The following LYST variants were observed in gnomAD, a reference collection of about 807,000 sequenced individuals.
The protein encoded by LYST is lysosomal-trafficking regulator.
In LYST, 192 loss-of-function variants were observed where a neutral mutation model predicts 413.6. The ratio of observed to expected loss-of-function variants is 0.46; its 90% CI spans 0.41 to 0.52. The LOEUF is 0.52. LYST is among the 20% of genes least tolerant of loss of function. LYST has a pLI of 0.00. For missense variants in LYST, 3,815 were observed against 4,499.9 expected, an observed-to-expected ratio of 0.85 and a Z score of 4.35; for synonymous variants, 1,525 against 1,567.3, an observed-to-expected ratio of 0.97 and a Z score of 0.64.
rs1366336092 is a variant in LYST at position 235,720,689 on chromosome 1, G to C, written c.9532C>G (p.Leu3178Val). 6.2e-7 allele frequency: 1 copy of C among 1,613,706 alleles called. No individual in the cohort carries two copies. The highest frequency in any genetic ancestry group is 1.1e-5 in the South Asian group (1 of 91,076). ...FILADYVSET[L>V]DLNDLLIYRN... Reference sequence around the variant, plus strand: ...TATATCAACAGATCATTGAGGTCAAGTGTCTCACTAACGTAGTCAGCAAGT... The same window carrying C: ...TATATCAACAGATCATTGAGGTCAACTGTCTCACTAACGTAGTCAGCAAGT... Residue 3178 changes from leucine (L) to valine (V), a missense_variant, in exon 40 of 53, where the codon CTT (leucine) becomes GTT (valine). Coordinates refer to ENST00000389793, the MANE Select transcript of LYST (RefSeq NM_000081.4).
chr1:235,734,696 T>C (rs751165344), intron 31 of LYST, 37 bp from the exon 32 acceptor site: 1 of 1,395,840 alleles, frequency 7.2e-7, no homozygotes, highest in Non-Finnish European at 1.0e-6. Context: ...TCATTTAGAA[T>C]TTTAATTCTT....
rs756139684 is a variant in LYST, at chr1:235,753,190, T to A, written c.7314A>T (p.Leu2438=). ...IPILGLIETS[L]YDNILLHNAL... ...CATTATGCAAGAGTATGTTGTCATA[T>A]AGAGAGGTCTCTATTAGTCCCAGAA... Residue 2438 remains leucine (L), a synonymous_variant, in exon 26 of 53, where the codon CTA becomes CTT. Transcript: ENST00000389793. 3.1e-6 allele frequency: 5 copies of A among 1,610,020 alleles called. No homozygotes were observed. The highest frequency in any genetic ancestry group is 4.2e-6 in the Non-Finnish European group (5 of 1,176,514).
chr1:235,832,178 G>A (rs562041145), intron 2 of LYST, among the ~76,000 whole-genome samples: 1 of 152,270 alleles, frequency 6.6e-6, no homozygotes, highest in East Asian at 1.9e-4. Context: ...AACTCAACAG[G>A]TATAGTACCA....
intron 8 of LYST, among the ~76,000 whole-genome samples, chr1:235,802,193 CAA>C (rs35511208): frequency 1.6e-3 from 71 of 45,068 alleles, no homozygotes; most frequent in African/African-American, 2.0e-3. Context: ...GACTCCATTT[CAA>C]AAAAAAAAAA....
chr1:235,693,675 G>A (rs1023140288), intron 46 of LYST, among the ~76,000 whole-genome samples, 189 bp from the exon 47 acceptor site: 1 of 152,058 alleles, frequency 6.6e-6, no homozygotes, highest in Non-Finnish European at 1.5e-5. Flanking sequence ...GGGTTCTCAG[G>A]GTGGGATTAT....
intron 43 of LYST, among the ~76,000 whole-genome samples, chr1:235,710,740 T>G (rs1437282290): frequency 6.6e-6 from 1 of 152,056 alleles, no homozygotes; most frequent in African/African-American, 2.4e-5. Context: ...AAGAATACAG[T>G]GGAAGTGATG....
intron 44 of LYST, among the ~76,000 whole-genome samples, chr1:235,705,271 C>T (rs1307445385): frequency 6.6e-6 from 1 of 152,042 alleles, no homozygotes; most frequent in Non-Finnish European, 1.5e-5. Context: ...TTATTAAATT[C>T]TTAACGATGG....
At chr1:235,788,889 A>G in intron 12 of LYST, 44 bp from the exon 13 acceptor site, 2 of 1,572,694 alleles carry the variant, frequency 1.3e-6, no homozygotes, top group Non-Finnish European at 1.7e-6. Context: ...ATGGTTCGTA[A>G]CAACTGAGTA....
intron 19 of LYST, among the ~76,000 whole-genome samples, chr1:235,773,328 C>A (rs1668899781): frequency 6.7e-6 from 1 of 149,664 alleles, no homozygotes; most frequent in African/African-American, 2.5e-5. Context: ...AAAAAAAAAA[C>A]AAAAACAAAA....
rs1180041783 is a variant in LYST, at chr1:235,805,833, T to C, written c.3303A>G (p.Gln1101=). Residue 1101 remains glutamine (Q), a synonymous_variant, in exon 6 of 53, where the codon CAA becomes CAG. Transcript: ENST00000389793. ...FTSQESETSL[Q]SIRLLEALLA... ...GAAGGGCTTCCAAAAGTCGTATACT[T>C]TGAAGTGAGGTCTCACTTTCTTGAC... 5 of 1,613,564 alleles carry C rather than the reference T, an allele frequency of 3.1e-6. No individual in the cohort carries two copies. Among genetic ancestry groups the C allele is most frequent in the Non-Finnish European group, 4.2e-6 (5 of 1,179,780 alleles).
chr1:235,671,957 G>A (rs1184924713), intron 50 of LYST, among the ~76,000 whole-genome samples: 1 of 152,216 alleles, frequency 6.6e-6, no homozygotes, highest in Non-Finnish European at 1.5e-5. Context: ...TGTGATAGAT[G>A]TTAGGGTAGG....
chr1:235,699,204 T>C (rs1421718648), intron 45 of LYST, among the ~76,000 whole-genome samples: 1 of 152,150 alleles, frequency 6.6e-6, no homozygotes, highest in East Asian at 1.9e-4. Flanking sequence ...CAACCCATCA[T>C]CTAGGTTTTG....
chr1:235,770,009 G>T, intron 20 of LYST, 151 bp downstream of exon 20: 1 of 687,630 alleles, frequency 1.5e-6, no homozygotes, highest in Non-Finnish European at 2.5e-6. Flanking sequence ...AAAAACTCCT[G>T]TACTATTTTT....
chr1:235,810,874 T>C (rs568476104), intron 4 of LYST, among the ~76,000 whole-genome samples: 15 of 152,340 alleles, frequency 9.8e-5, no homozygotes, highest in African/African-American at 3.6e-4. Context: ...CTGGGTGAGG[T>C]GGCTTATGCC....
At position 235,800,406 on chromosome 1, in the gene LYST, C is replaced by CA. The variant is rs1404934205; in HGVS notation, c.3940-21dup. 3 of 1,390,302 alleles carry CA rather than the reference C, an allele frequency of 2.2e-6. No homozygotes were observed. Among genetic ancestry groups the CA allele is most frequent in the Non-Finnish European group, 3.1e-6 (3 of 976,652 alleles). 86.1% of individuals were successfully genotyped at this position (1,390,302 alleles called of 1,614,324 possible). ...AGTTCCCTGAAGATTAAAAAAAATA[C>CA]AAAATTAAATTACTTACCTCACAGA... On this transcript the variant is annotated intron_variant, in intron 9 of 52. Coordinates refer to ENST00000389793, the MANE Select transcript of LYST (RefSeq NM_000081.4).
chr1:235,770,957 A>T (rs1296130759), intron 19 of LYST, among the ~76,000 whole-genome samples: 3 of 152,228 alleles, frequency 2.0e-5, no homozygotes, highest in Admixed American at 1.3e-4. Context: ...ATTGAAAGAT[A>T]ACCTTCCCTT....
intron 3 of LYST, among the ~76,000 whole-genome samples, chr1:235,815,482 A>G (rs1010230108): frequency 2.0e-5 from 3 of 152,148 alleles, no homozygotes; most frequent in African/African-American, 7.2e-5. Flanking sequence ...TTTGGAGGAA[A>G]AGGGCTCCTA....
chr1:235,757,938 G>A (rs1200094076), intron 23 of LYST, among the ~76,000 whole-genome samples: 1 of 148,918 alleles, frequency 6.7e-6, no homozygotes, highest in Non-Finnish European at 1.5e-5. Context: ...GTCTAGGCAT[G>A]TCAGAAAAAC....
chr1:235,781,979 C>T lies in LYST; in HGVS notation c.4971G>A (p.Glu1657=). Residue 1657 remains glutamate (E), a synonymous_variant, in exon 15 of 53, where the codon GAG becomes GAA. Coordinates refer to ENST00000389793, the MANE Select transcript of LYST (RefSeq NM_000081.4). ...MIGHCLSSQE[E]FLQLAGKWDL... The stretch of plus-strand genomic sequence containing the variant: ...CCCATTTTCCAGCCAACTGCAAAAA[C>T]TCTTCTTGGGATGATAAACAATGGC... The T allele has an allele frequency of 6.2e-7, 1 of 1,613,930 alleles. No individual in the cohort carries two copies. The highest frequency in any genetic ancestry group is 8.5e-7 in the Non-Finnish European group (1 of 1,179,864).
Sources: gnomAD v4.1 joint callset for allele counts (sites outside exome capture counted in the v4.1 genomes callset) on GRCh38, gnomAD v4.1.1 for gene constraint, MANE v1.5 for transcripts, NCBI Gene and HGNC (gene_info 2026-07-23, HGNC 2026-07-21) for gene names.